COL23A1: variants seen among roughly 807,000 people sequenced by gnomAD.
The protein encoded by COL23A1 is collagen type XXIII alpha 1 chain, also known as collagen alpha-1(XXIII) chain.
Under a neutral mutation model 99.3 loss-of-function variants are expected in COL23A1, and 97 were observed. The ratio of observed to expected loss-of-function variants is 0.98; its 90% CI spans 0.83 to 1.16. The LOEUF (loss-of-function observed/expected upper bound fraction) is 1.16. Ranked by LOEUF, COL23A1 falls within the 50% of genes most tolerant of loss-of-function variation. The pLI is 0.00. For missense variants in COL23A1, 762 were observed against 757.4 expected (o/e 1.01, Z -0.07); for synonymous variants, 320 against 308.2 (o/e 1.04, Z -0.40).
chr5:178,560,649 C>G, intron 2 of COL23A1, 33 bp downstream of exon 2: 1 of 1,595,342 alleles, frequency 6.3e-7, no homozygotes, highest in African/African-American at 1.4e-5. Flanking sequence ...CGGCCGAACG[C>G]AGGAGCCAGA....
intron 2 of COL23A1, among the ~76,000 whole-genome samples, chr5:178,435,262 A>G (rs879568999): frequency 2.6e-5 from 4 of 152,186 alleles, no homozygotes; most frequent in Admixed American, 2.6e-4. Flanking sequence ...AAAGAAGGGA[A>G]TGGGAGTGTG....
At chr5:178,274,584 G>C (rs1338761790) in intron 5 of COL23A1, among the ~76,000 whole-genome samples, 2 of 151,724 alleles carry the variant, frequency 1.3e-5, no homozygotes, top group African/African-American at 4.9e-5. Context: ...GTGTGGGGGG[G>C]GTCTCCCCTA....
In COL23A1 at chr5:178,306,335, G is replaced by A. The variant is rs1758351531; in HGVS notation, c.406+540C>T. On this transcript the variant is annotated intron_variant, in intron 3 of 28. Coordinates refer to ENST00000390654, the MANE Select transcript of COL23A1 (RefSeq NM_173465.4). This position sits in a 1 kb window ranked among gnomAD's most constrained non-coding sequence, Gnocchi z 4.1. ...GCTTAGGGAAGTCCCTGGGCGAAGGGGGCAATCTGCTGGGGACTGGGTAGG... is the reference window on the plus strand; with the variant it reads ...GCTTAGGGAAGTCCCTGGGCGAAGGAGGCAATCTGCTGGGGACTGGGTAGG... Among the ~76,000 whole-genome samples, 1 of 151,968 alleles carries A rather than the reference G, an allele frequency of 6.6e-6. No individual in the cohort carries two copies. The highest frequency in any genetic ancestry group is 2.4e-5 in the African/African-American group (1 of 41,352).
At chr5:178,292,194 T>A (rs2913823) in intron 3 of COL23A1, among the ~76,000 whole-genome samples, 115,657 of 151,702 alleles carry the variant, frequency 0.76, 44,675 homozygotes, top group Non-Finnish European at 0.84. Context: ...TCCTCCTCGA[T>A]CTGTTCCTGC....
intron 25 of COL23A1, 58 bp downstream of exon 25, chr5:178,245,884 G>A (rs1764665809): frequency 3.1e-6 from 5 of 1,588,282 alleles, no homozygotes; most frequent in Non-Finnish European, 4.3e-6. Flanking sequence ...TACTGCATGA[G>A]GGCAGAAGAT....
chr5:178,504,186 T>C (rs941580546), intron 2 of COL23A1, among the ~76,000 whole-genome samples: 6 of 152,150 alleles, frequency 3.9e-5, no homozygotes, highest in African/African-American at 1.4e-4. Flanking sequence ...CAATTTCCCA[T>C]ACAATCGCAC....
chr5:178,504,691 T>C (rs1758765415), intron 2 of COL23A1, among the ~76,000 whole-genome samples: 1 of 152,150 alleles, frequency 6.6e-6, no homozygotes, highest in Non-Finnish European at 1.5e-5. Flanking sequence ...AAGTCAGGCA[T>C]GTGTGAGGCG....
chr5:178,575,866 T>G (rs1176590930), intron 1 of COL23A1, among the ~76,000 whole-genome samples: 3 of 152,206 alleles, frequency 2.0e-5, no homozygotes, highest in African/African-American at 7.2e-5. Flanking sequence ...CAGGCATATG[T>G]GTCCTCAGAG....
rs559684974 is a variant in COL23A1, at chr5:178,308,219, A to C, written c.362-1300T>G. ...TCTCTGAGAAACAGCGAGAGAGAAG[A>C]GATCCCTTCAGGTGGAGAGGGGCCC... is the stretch of plus-strand genomic sequence containing the variant. On this transcript the variant is annotated intron_variant, in intron 2 of 28. Coordinates refer to ENST00000390654, the MANE Select transcript of COL23A1 (RefSeq NM_173465.4). The surrounding 1 kb of genome is among the most constrained non-coding windows in gnomAD (Gnocchi z 5.1). Among the ~76,000 whole-genome samples, 1 of 152,236 alleles carries C rather than the reference A, an allele frequency of 6.6e-6. No individual in the cohort carries two copies. Among genetic ancestry groups the C allele is most frequent in the Non-Finnish European group, 1.5e-5 (1 of 68,012 alleles).
intron 2 of COL23A1, among the ~76,000 whole-genome samples, chr5:178,551,629 G>A (rs1192019232): frequency 6.6e-6 from 1 of 152,128 alleles, no homozygotes; most frequent in Non-Finnish European, 1.5e-5. Flanking sequence ...GCCTCTCACA[G>A]CTGTTCCCGG....
At chr5:178,426,491 C>A (rs1765944347) in intron 2 of COL23A1, among the ~76,000 whole-genome samples, 1 of 152,220 alleles carries the variant, frequency 6.6e-6, no homozygotes, top group South Asian at 2.1e-4. Flanking sequence ...GGACACAGAC[C>A]AGCTTCCACC....
chr5:178,463,643 C>A (rs777542023), intron 2 of COL23A1, among the ~76,000 whole-genome samples: 3 of 152,172 alleles, frequency 2.0e-5, no homozygotes. Flanking sequence ...GAACTCACTC[C>A]GTCACACAGC....
chr5:178,403,626 A>C (rs1764591663), intron 2 of COL23A1, among the ~76,000 whole-genome samples: 1 of 152,236 alleles, frequency 6.6e-6, no homozygotes, highest in Non-Finnish European at 1.5e-5. Flanking sequence ...AATGAAATAA[A>C]GGCCAAGATC....
At chr5:178,388,892 G>C (rs562312553) in intron 2 of COL23A1, among the ~76,000 whole-genome samples, 1 of 152,214 alleles carries the variant, frequency 6.6e-6, no homozygotes, top group Non-Finnish European at 1.5e-5. Flanking sequence ...ATCCCTTGCA[G>C]CTCTCTAAGG....
rs1328378207 is a variant in COL23A1, at chr5:178,544,945, C to G, written c.361+15737G>C. Among the ~76,000 whole-genome samples, 2 of 152,100 alleles carry G rather than the reference C, an allele frequency of 1.3e-5. No individual in the cohort carries two copies. Among genetic ancestry groups the G allele is most frequent in the African/African-American group, 4.8e-5 (2 of 41,402 alleles). On this transcript the variant is annotated intron_variant, in intron 2 of 28. Coordinates refer to ENST00000390654, the MANE Select transcript of COL23A1 (RefSeq NM_173465.4). This position sits in a 1 kb window ranked among gnomAD's most constrained non-coding sequence, Gnocchi z 4.4. ...AAAAAGAAAAATTAACAAAATTTAG[C>G]CAGGTGTGGTGGCACGTGCCTGTAG...
intron 2 of COL23A1, among the ~76,000 whole-genome samples, chr5:178,444,187 G>A (rs1767038513): frequency 6.6e-6 from 1 of 152,152 alleles, no homozygotes; most frequent in South Asian, 2.1e-4. Context: ...TACAGAGCAA[G>A]ATTCTGTCTC....
intron 2 of COL23A1, among the ~76,000 whole-genome samples, chr5:178,358,326 GTATGTA>G (rs1375438780): frequency 1.4e-5 from 2 of 147,710 alleles, no homozygotes; most frequent in Non-Finnish European, 3.0e-5. Flanking sequence ...ATGTGTATGT[GTATGTA>G]TGTCTAATGT....
chr5:178,355,838 G>A (rs928414919), intron 2 of COL23A1, among the ~76,000 whole-genome samples: 1 of 152,174 alleles, frequency 6.6e-6, no homozygotes, highest in African/African-American at 2.4e-5. Context: ...AGAGCTGCAG[G>A]TTCAGAGGGC....
chr5:178,376,280 AG>A (rs549206648), intron 2 of COL23A1, among the ~76,000 whole-genome samples: 100 of 152,318 alleles, frequency 6.6e-4, no homozygotes, highest in African/African-American at 1.8e-3. Context: ...TTTGTTATTT[AG>A]GTATTCTCTG....
Sources: gnomAD v4.1 joint callset for allele counts (sites outside exome capture counted in the v4.1 genomes callset) on GRCh38, gnomAD v4.1.1 for gene constraint, Gnocchi (gnomAD v3.1) non-coding constraint, MANE v1.5 for transcripts, NCBI Gene and HGNC (gene_info 2026-07-23, HGNC 2026-07-21) for gene names.